ARMH1: variants seen among roughly 807,000 people sequenced by gnomAD.
ARMH1 encodes armadillo-like helical domain containing protein 1.
ARMH1 carries 34 observed loss-of-function variants against 50.2 expected under a neutral mutation model. The ratio of observed to expected loss-of-function variants is 0.68; its 90% CI spans 0.51 to 0.90. ARMH1 has a LOEUF of 0.90. Among genes scored for constraint, ARMH1 ranks in the 40% least tolerant of loss-of-function variants. The pLI is 0.00. For missense variants in ARMH1, 538 were observed against 553.9 expected (o/e 0.97, Z 0.29); for synonymous variants, 221 against 224.2 (o/e 0.99, Z 0.13).
chr1:44,719,161 G>A (rs1387341460), intron 6 of ARMH1, among the ~76,000 whole-genome samples: 1 of 152,164 alleles, frequency 6.6e-6, no homozygotes, highest in Non-Finnish European at 1.5e-5. Flanking sequence ...GGGTAGCACA[G>A]GATGTCTTTG....
chr1:44,701,080 A>G lies in ARMH1; in HGVS notation c.600A>G (p.Lys200=). Residue 200 remains lysine, a synonymous_variant, in exon 5 of 12, where the codon AAA becomes AAG. Coordinates refer to ENST00000535358, the MANE Select transcript of ARMH1 (RefSeq NM_001145636.2). ...CTTTGCTGCCCTGCGAGTCCCCAAA[A>G]GCCCAGCAGCTGTCCCTGCAGACTC... is the stretch of plus-strand genomic sequence containing the variant. ...LIALLPCESP[K]AQQLSLQTLR... 6.4e-7 allele frequency: 1 copy of G among 1,551,694 alleles called. No individual in the cohort carries two copies. Among genetic ancestry groups the G allele is most frequent in the Non-Finnish European group, 8.7e-7 (1 of 1,146,972 alleles).
At chr1:44,679,316 G>A (rs1343079836) in intron 1 of ARMH1, among the ~76,000 whole-genome samples, 3 of 152,170 alleles carry the variant, frequency 2.0e-5, no homozygotes, top group African/African-American at 7.2e-5. Context: ...GATCAAGCTG[G>A]TGAAGCTGAC....
Position 44,684,028 on chromosome 1 carries a change from A to T in ARMH1, c.-22-5648A>T, listed in dbSNP as rs375217725. Among the ~76,000 whole-genome samples the T allele has an allele frequency of 9.2e-5, 14 of 151,498 alleles. 1 individual carries two copies. The highest frequency in any genetic ancestry group is 6.3e-4 in the South Asian group (3 of 4,780). On this transcript the variant is annotated intron_variant, in intron 1 of 11. Transcript: ENST00000535358. ...CACAGAGAGAGAGAGAGAGTGTGTG[A>T]GTGTGTGTGCGTATGGTGTGTGGAT...
At chr1:44,717,641 G>T (rs1573473877) in intron 6 of ARMH1, among the ~76,000 whole-genome samples, 1 of 152,194 alleles carries the variant, frequency 6.6e-6, no homozygotes, top group African/African-American at 2.4e-5. Context: ...TTAGATCTTA[G>T]TCCTCTTCAT....
chr1:44,701,146 G>T lies in ARMH1; in HGVS notation c.639+27G>T, dbSNP rs966312595. 8 of 1,516,482 alleles carry T rather than the reference G, an allele frequency of 5.3e-6. No homozygotes were observed. The African/African-American group carries it at 8.4e-5, about 16-fold the overall frequency. The allele number at this position is 1,516,482 out of a possible 1,614,324, so 93.9% of individuals were successfully genotyped here. A position where few individuals can be genotyped will look rare whatever the true frequency, so the allele number is the denominator to read the frequency against. ...TGAGCCAAGGCTGCATGCTCCTGTGGTTCTGATTCAGATGCAATAATCTTA... is the reference window on the plus strand; with the variant it reads ...TGAGCCAAGGCTGCATGCTCCTGTGTTTCTGATTCAGATGCAATAATCTTA... On this transcript the variant is annotated intron_variant, in intron 5 of 11. Transcript: ENST00000535358.
chr1:44,720,975 T>C (rs1426107438), intron 6 of ARMH1, among the ~76,000 whole-genome samples: 1 of 151,952 alleles, frequency 6.6e-6, no homozygotes, highest in Non-Finnish European at 1.5e-5. Context: ...AGGTGGAAGC[T>C]GCAGTGAGCC....
At chr1:44,713,350 C>T (rs1049814794) in intron 6 of ARMH1, among the ~76,000 whole-genome samples, 1 of 152,046 alleles carries the variant, frequency 6.6e-6, no homozygotes, top group African/African-American at 2.4e-5. Flanking sequence ...CCACCTGCCT[C>T]GGGCTCCCAA....
chr1:44,691,914 T>C (rs1645671580), intron 2 of ARMH1, among the ~76,000 whole-genome samples: 2 of 152,294 alleles, frequency 1.3e-5, no homozygotes, highest in Admixed American at 6.5e-5. Flanking sequence ...ATGTCTGTGC[T>C]CAGGATCCCT....
At chr1:44,719,766 G>A (rs1647007857) in intron 6 of ARMH1, among the ~76,000 whole-genome samples, 1 of 152,174 alleles carries the variant, frequency 6.6e-6, no homozygotes, top group Non-Finnish European at 1.5e-5. Context: ...GGTGCCCTGT[G>A]TCTCCCACTG....
chr1:44,682,901 C>G lies in ARMH1; in HGVS notation c.-22-6775C>G, dbSNP rs1645358281. 6.6e-6 allele frequency among the ~76,000 whole-genome samples: 1 copy of G among 152,188 alleles called. No individual in the cohort carries two copies. Among genetic ancestry groups the G allele is most frequent in the Non-Finnish European group, 1.5e-5 (1 of 68,036 alleles). On this transcript the variant is annotated intron_variant, in intron 1 of 11. Transcript: ENST00000535358. The surrounding 1 kb of genome is among the most constrained non-coding windows in gnomAD (Gnocchi z 4.5). The stretch of plus-strand genomic sequence containing the variant: ...GCTGCGGTAAGTTATGATTGTGCCA[C>G]TGCACTCCAGCCTGGGTGACAGAGC...
chr1:44,709,255 G>C (rs1356487458), intron 6 of ARMH1, among the ~76,000 whole-genome samples: 7 of 152,258 alleles, frequency 4.6e-5, no homozygotes, highest in African/African-American at 1.7e-4. Flanking sequence ...CAGACTGTTA[G>C]GTCACCCTCT....
chr1:44,725,471 T>G lies in ARMH1; in HGVS notation c.*68T>G. ...GGAAGCCTGGCAAGAGGAAGGCGCC[T>G]GGGGTCAAGCTCAGAGCCACTCCAC... is the stretch of plus-strand genomic sequence containing the variant. On this transcript the variant is annotated 3_prime_UTR_variant, in exon 12 of 12. Coordinates refer to ENST00000535358, the MANE Select transcript of ARMH1 (RefSeq NM_001145636.2). 1 of 1,483,938 alleles carries G rather than the reference T, an allele frequency of 6.7e-7. No individual in the cohort carries two copies. The highest frequency in any genetic ancestry group is 9.2e-7 in the Non-Finnish European group (1 of 1,087,498). 91.9% of individuals were successfully genotyped at this position (1,483,938 alleles called of 1,614,324 possible). A position where few individuals can be genotyped will look rare whatever the true frequency, so the allele number is the denominator to read the frequency against.
chr1:44,715,914 C>T (rs1255946843), intron 6 of ARMH1, among the ~76,000 whole-genome samples: 2 of 152,222 alleles, frequency 1.3e-5, no homozygotes, highest in Non-Finnish European at 2.9e-5. Context: ...GCACCTAGCA[C>T]GTGCTCAATC....
rs1645387350 is a variant in ARMH1, at chr1:44,683,921, G to C, written c.-22-5755G>C. ...TAATTCCAGCACTTTGGGAGGCCAA[G>C]GTGGGAAGATAGCTTGAGGCCAGGA... On this transcript the variant is annotated intron_variant, in intron 1 of 11. Coordinates refer to ENST00000535358, the MANE Select transcript of ARMH1 (RefSeq NM_001145636.2). This position sits in a 1 kb window ranked among gnomAD's most constrained non-coding sequence, Gnocchi z 4.2. 6.6e-6 allele frequency among the ~76,000 whole-genome samples: 1 copy of C among 152,158 alleles called. No individual in the cohort carries two copies. Among genetic ancestry groups the C allele is most frequent in the Non-Finnish European group, 1.5e-5 (1 of 68,030 alleles).
chr1:44,693,598 A>G (rs1645730477), intron 2 of ARMH1, among the ~76,000 whole-genome samples: 1 of 152,006 alleles, frequency 6.6e-6, no homozygotes, highest in Non-Finnish European at 1.5e-5. Flanking sequence ...ATAGGCATGC[A>G]CCACCACATC....
At position 44,687,938 on chromosome 1, in the gene ARMH1, G is replaced by A. The variant is rs145707683; in HGVS notation, c.-22-1738G>A. On this transcript the variant is annotated intron_variant, in intron 1 of 11. Transcript: ENST00000535358. ...GGGTGCATCTCTAATGGCACATTGA[G>A]TTTTGATACTAGAAAGGGTCCATTT... Among the ~76,000 whole-genome samples the A allele has an allele frequency of 8.7e-3, 1,323 of 152,264 alleles. 20 individuals carry two copies. The highest frequency in any genetic ancestry group is 0.03 in the African/African-American group (1,249 of 41,552).
intron 6 of ARMH1, among the ~76,000 whole-genome samples, chr1:44,720,897 C>T (rs1418916769): frequency 1.3e-5 from 2 of 151,880 alleles, no homozygotes. Context: ...ATTAGCCAGG[C>T]GTGGTGGTGC....
intron 6 of ARMH1, among the ~76,000 whole-genome samples, chr1:44,712,767 G>A (rs768117500): frequency 6.7e-6 from 1 of 150,350 alleles, no homozygotes; most frequent in African/African-American, 2.4e-5. Context: ...AGGTTCAAGC[G>A]ATTCTCCTGC....
Position 44,724,700 on chromosome 1 carries a change from G to A in ARMH1, c.1050+32G>A. ...GCGGCGGCTGGTTAGGGGGCGGGAA[G>A]GGCGGCGGCACCCGCAGCCCCGTCG... On this transcript the variant is annotated intron_variant, in intron 9 of 11. Transcript: ENST00000535358. The surrounding 1 kb of genome is among the most constrained non-coding windows in gnomAD (Gnocchi z 6.4). 6.8e-7 allele frequency: 1 copy of A among 1,481,010 alleles called. No homozygotes were observed. Among genetic ancestry groups the A allele is most frequent in the Non-Finnish European group, 8.9e-7 (1 of 1,123,202 alleles). The allele number at this position is 1,481,010 out of a possible 1,614,324, so 91.7% of individuals were successfully genotyped here.
Sources: gnomAD v4.1 joint callset for allele counts (sites outside exome capture counted in the v4.1 genomes callset) on GRCh38, gnomAD v4.1.1 for gene constraint, Gnocchi (gnomAD v3.1) non-coding constraint, MANE v1.5 for transcripts, NCBI Gene and HGNC (gene_info 2026-07-23, HGNC 2026-07-21) for gene names.